EPN1: variants seen among roughly 807,000 people sequenced by gnomAD.
EPN1 encodes the protein epsin-1.
Under a neutral mutation model 56.9 loss-of-function variants are expected in EPN1, and 25 were observed. The observed-to-expected ratio is 0.44, with a 90% CI of 0.32 to 0.61. The LOEUF (loss-of-function observed/expected upper bound fraction) is 0.61. EPN1 is among the 20% of genes least tolerant of loss of function. The pLI is 0.05. For synonymous variants in EPN1, 411 were observed against 361.8 expected, an observed-to-expected ratio of 1.14 and a Z score of -1.54; for missense variants, 785 against 823.7, an observed-to-expected ratio of 0.95 and a Z score of 0.58.
At position 55,694,927 on chromosome 19, in the gene EPN1, G is replaced by A; in HGVS notation, c.1466G>A (p.Ser489Asn). The change falls in exon 10 of 11, where the codon AGC (serine) becomes AAC (asparagine). Residue 489 changes from serine (S) to asparagine (N), a missense_variant. By Grantham distance (46) the Ser-to-Asn change is conservative (BLOSUM62 1). Coordinates refer to ENST00000270460, the MANE Select transcript of EPN1 (RefSeq NM_001130072.2). This position sits in a 1 kb window ranked among gnomAD's most constrained non-coding sequence, Gnocchi z 4.2. ...CTCGTCGACCTGGACTCGCTGGTGAGCCGGCCGGGCCCCACGCCGCCTGGA... is the reference window on the plus strand; with the variant it reads ...CTCGTCGACCTGGACTCGCTGGTGAACCGGCCGGGCCCCACGCCGCCTGGA... ...AALVDLDSLV[S>N]RPGPTPPGAK... 4.5e-6 allele frequency: 7 copies of A among 1,567,298 alleles called. No homozygotes were observed. Among genetic ancestry groups the A allele is most frequent in the Non-Finnish European group, 6.1e-6 (7 of 1,156,804 alleles).
intron 1 of EPN1, among the ~76,000 whole-genome samples, chr19:55,676,068 T>G (rs1463368030): frequency 6.6e-6 from 1 of 152,214 alleles, no homozygotes; most frequent in Non-Finnish European, 1.5e-5. Context: ...ATAGTCTCTG[T>G]GTCAAAACCT....
chr19:55,688,025 A>C (rs929745051), intron 3 of EPN1, among the ~76,000 whole-genome samples: 1 of 152,134 alleles, frequency 6.6e-6, no homozygotes, highest in Non-Finnish European at 1.5e-5. Flanking sequence ...TTGGAGCTGG[A>C]GCAGACAGAA....
chr19:55,692,855 T>C, intron 8 of EPN1, 59 bp downstream of exon 8: 1 of 1,585,298 alleles, frequency 6.3e-7, no homozygotes, highest in South Asian at 1.1e-5. Flanking sequence ...GAAGTTAGTG[T>C]TGAGTGTCCT....
chr19:55,692,791 C>T lies in EPN1; in HGVS notation c.1172C>T (p.Thr391Ile), dbSNP rs995911141. 1.3e-6 allele frequency: 2 copies of T among 1,596,882 alleles called. No individual in the cohort carries two copies. The highest frequency in any genetic ancestry group is 1.7e-6 in the Non-Finnish European group (2 of 1,171,152). The change falls in exon 8 of 11, where the codon ACA becomes ATA. Residue 391 changes from threonine to isoleucine, a missense_variant. Around this residue, in one of 2 missense-constraint regions of EPN1, gnomAD observed 650 missense variants for 605.0 expected, o/e 1.07. Coordinates refer to ENST00000270460, the MANE Select transcript of EPN1 (RefSeq NM_001130072.2). ...CCTGCCAAGCCCAGCACCAATGGCA[C>T]AACAGGTACTGGAATGGGGGTGGGA... ...GSPAKPSTNG[T>I]TAAGGFDTEP...
rs1986873860 is a variant in EPN1, at chr19:55,695,621, C to A, written c.*265C>A. 1 of 490,794 alleles carries A rather than the reference C, an allele frequency of 2.0e-6. No homozygotes were observed. Among genetic ancestry groups the A allele is most frequent in the Admixed American group, 3.7e-5 (1 of 26,878 alleles). The allele number at this position is 490,794 out of a possible 1,614,324, so 30.4% of individuals were successfully genotyped here. ...GGGAGGGGTGGCTGGGGCCCCCACC[C>A]ATTCCCCCTCCCTCCAAACTCCCAA... On this transcript the variant is annotated 3_prime_UTR_variant, in exon 11 of 11. Transcript: ENST00000270460. The surrounding 1 kb of genome is among the most constrained non-coding windows in gnomAD (Gnocchi z 4.4).
In EPN1 at chr19:55,696,229, G is replaced by A. The variant is rs1293902900; in HGVS notation, c.*873G>A. The stretch of plus-strand genomic sequence containing the variant: ...GCCGGCTGAGCTGAGTGGACCACCA[G>A]GCGCCTCCTGGTTGTCCTCTGTGTG... On this transcript the variant is annotated 3_prime_UTR_variant, in exon 11 of 11. Coordinates refer to ENST00000270460, the MANE Select transcript of EPN1 (RefSeq NM_001130072.2). 5.2e-5 allele frequency: 8 copies of A among 152,396 alleles called. No individual in the cohort carries two copies. The highest frequency in any genetic ancestry group is 1.0e-4 in the Non-Finnish European group (7 of 68,198). 9.4% of individuals were successfully genotyped at this position (152,396 alleles called of 1,614,324 possible).
chr19:55,689,051 A>G lies in EPN1; in HGVS notation c.603+57A>G. 1.3e-6 allele frequency: 2 copies of G among 1,521,540 alleles called. No individual in the cohort carries two copies. The highest frequency in any genetic ancestry group is 2.0e-5 in the Admixed American group (1 of 50,634). 94.3% of individuals were successfully genotyped at this position (1,521,540 alleles called of 1,614,324 possible). A position where few individuals can be genotyped will look rare whatever the true frequency, so the allele number is the denominator to read the frequency against. On this transcript the variant is annotated intron_variant, in intron 4 of 10. Coordinates refer to ENST00000270460, the MANE Select transcript of EPN1 (RefSeq NM_001130072.2). This position sits in a 1 kb window ranked among gnomAD's most constrained non-coding sequence, Gnocchi z 5.7. Reference sequence around the variant, plus strand: ...GCCACCCGCCTCCACGCCTCACTTCAGGCTCCCTCCCAGCCAGGCGTGGGC... The same window carrying G: ...GCCACCCGCCTCCACGCCTCACTTCGGGCTCCCTCCCAGCCAGGCGTGGGC...
rs1185943394 is a variant in EPN1, at chr19:55,708,118, C to T, written c.*12762C>T. 6.6e-6 allele frequency: 1 copy of T among 152,204 alleles called. No individual in the cohort carries two copies. The highest frequency in any genetic ancestry group is 2.4e-5 in the African/African-American group (1 of 41,446). 9.4% of individuals were successfully genotyped at this position (152,204 alleles called of 1,614,324 possible). On this transcript the variant is annotated 3_prime_UTR_variant, in exon 11 of 11. Coordinates refer to ENST00000270460, the MANE Select transcript of EPN1 (RefSeq NM_001130072.2). The stretch of plus-strand genomic sequence containing the variant: ...TCAGCCTCCCAAATATCCAAAGAAT[C>T]CAGGAGTGTGCCAAGAGATCCAAGA...
At chr19:55,676,861 T>C in intron 1 of EPN1, 1 of 236,770 alleles carries the variant, frequency 4.2e-6, no homozygotes, top group Non-Finnish European at 8.2e-6. Context: ...GTTTTTCTCA[T>C]TGTGTCTCTG....
chr19:55,677,220 T>C, intron 1 of EPN1: 3 of 1,474,802 alleles, frequency 2.0e-6, no homozygotes, highest in Non-Finnish European at 2.8e-6. Context: ...AGGAGTAAGG[T>C]GTGTGTCCCT....
At position 55,690,051 on chromosome 19, in the gene EPN1, C is replaced by G. The variant is rs150783945; in HGVS notation, c.762+101C>G. On this transcript the variant is annotated intron_variant, in intron 6 of 10. Coordinates refer to ENST00000270460, the MANE Select transcript of EPN1 (RefSeq NM_001130072.2). ...GGTCCCTGGAGCAGAGACTGAAACA[C>G]AAGGTCCTGGAGCTGGGCACCGGGT... 8.9e-3 allele frequency: 10,344 copies of G among 1,164,750 alleles called. 78 individuals carry two copies. The highest frequency in any genetic ancestry group is 0.012 in the Middle Eastern group (57 of 4,732). 72.2% of individuals were successfully genotyped at this position (1,164,750 alleles called of 1,614,324 possible).
At chr19:55,690,947 C>T (rs1248000322) in intron 6 of EPN1, among the ~76,000 whole-genome samples, 2 of 152,034 alleles carry the variant, frequency 1.3e-5, no homozygotes, top group Non-Finnish European at 2.9e-5. Context: ...CAGATCTCAC[C>T]CATCTCTTCT....
At chr19:55,676,972 A>C in intron 1 of EPN1, 1 of 635,600 alleles carries the variant, frequency 1.6e-6, no homozygotes, top group Non-Finnish European at 2.6e-6. Context: ...TCATCTCTTC[A>C]TCTTAATGTA....
intron 9 of EPN1, among the ~76,000 whole-genome samples, chr19:55,693,628 G>A (rs1021923466): frequency 7.2e-5 from 11 of 152,188 alleles, no homozygotes; most frequent in African/African-American, 9.7e-5. Flanking sequence ...GCTTCGCCGC[G>A]GCCCTCAGCT....
intron 2 of EPN1, among the ~76,000 whole-genome samples, chr19:55,683,810 T>G (rs1048029282): frequency 2.6e-5 from 4 of 152,250 alleles, no homozygotes; most frequent in Admixed American, 6.5e-5. Flanking sequence ...GAAACGAAAG[T>G]GTTTCATGAT....
At position 55,695,663 on chromosome 19, in the gene EPN1, G is replaced by C. The variant is rs2122225491; in HGVS notation, c.*307G>C. On this transcript the variant is annotated 3_prime_UTR_variant, in exon 11 of 11. Transcript: ENST00000270460. This position sits in a 1 kb window ranked among gnomAD's most constrained non-coding sequence, Gnocchi z 4.4. ...AACTCCCAACCCCCAGTCAGTGTTTGAGCCTCCTCGTTCCCCTCACGCACC... is the reference window on the plus strand; with the variant it reads ...AACTCCCAACCCCCAGTCAGTGTTTCAGCCTCCTCGTTCCCCTCACGCACC... 2.4e-6 allele frequency: 1 copy of C among 417,988 alleles called. No individual in the cohort carries two copies. The highest frequency in any genetic ancestry group is 4.2e-5 in the South Asian group (1 of 23,680). 25.9% of individuals were successfully genotyped at this position (417,988 alleles called of 1,614,324 possible).
At position 55,706,668 on chromosome 19, in the gene EPN1, GGGGAA is replaced by G. The variant is rs112836258; in HGVS notation, c.*11322_*11326del. ...GAAGGAAAAGGAAAGAAAGAAAAGA[GGGGAA>G]GGGAAGGGAGAGATTTAAAAAACAA... is the stretch of plus-strand genomic sequence containing the variant. On this transcript the variant is annotated 3_prime_UTR_variant, in exon 11 of 11. Coordinates refer to ENST00000270460, the MANE Select transcript of EPN1 (RefSeq NM_001130072.2). The G allele has an allele frequency of 6.7e-6, 1 of 149,454 alleles. No homozygotes were observed. Among genetic ancestry groups the G allele is most frequent in the Admixed American group, 6.7e-5 (1 of 14,964 alleles). The allele number at this position is 149,454 out of a possible 1,614,324, so 9.3% of individuals were successfully genotyped here. A position where few individuals can be genotyped will look rare whatever the true frequency, so the allele number is the denominator to read the frequency against.
At chr19:55,688,008 C>T (rs1334878469) in intron 3 of EPN1, among the ~76,000 whole-genome samples, 8 of 152,154 alleles carry the variant, frequency 5.3e-5, no homozygotes, top group African/African-American at 1.4e-4. Context: ...AGGTGCAAGG[C>T]GGCGTCTTGG....
In EPN1 at chr19:55,691,506, G is replaced by T. The variant is rs1317508478; in HGVS notation, c.763-248G>T. ...GAGAATGGATGTGGGGCAGGAGTGG[G>T]GCTGTGTTGGGGCTCCCTGGTGGTA... On this transcript the variant is annotated intron_variant, in intron 6 of 10. Transcript: ENST00000270460. The surrounding 1 kb of genome is among the most constrained non-coding windows in gnomAD (Gnocchi z 5.6). 1.3e-5 allele frequency among the ~76,000 whole-genome samples: 2 copies of T among 152,000 alleles called. No homozygotes were observed. Among genetic ancestry groups the T allele is most frequent in the African/African-American group, 2.4e-5 (1 of 41,378 alleles).
Sources: allele counts gnomAD v4.1 joint callset (sites outside exome capture counted in the v4.1 genomes callset), GRCh38; gene constraint gnomAD v4.1.1; regional missense constraint gnomAD v4.1.1; non-coding constraint Gnocchi (gnomAD v3.1); transcripts MANE v1.5; gene names NCBI Gene and HGNC (gene_info 2026-07-23, HGNC 2026-07-21).